DPP6: variants seen among roughly 807,000 people sequenced by gnomAD.
DPP6 encodes dipeptidyl peptidase like 6.
Under a neutral mutation model 122.6 loss-of-function variants are expected in DPP6, and 69 were observed. That is an observed-to-expected ratio of 0.56 (90% CI 0.46 to 0.69). The LOEUF (loss-of-function observed/expected upper bound fraction) is 0.69, where lower values mean the gene tolerates loss of function less well. Among genes scored for constraint, DPP6 ranks in the 30% least tolerant of loss-of-function variants. The pLI is 0.00. For missense variants in DPP6, 928 were observed against 1,116.9 expected, an observed-to-expected ratio of 0.83 and a Z score of 2.41; for synonymous variants, 418 against 433.1, an observed-to-expected ratio of 0.97 and a Z score of 0.43.
At chr7:154,379,123 A>G (rs1465160403) in intron 1 of DPP6, among the ~76,000 whole-genome samples, 1 of 152,190 alleles carries the variant, frequency 6.6e-6, no homozygotes, top group Non-Finnish European at 1.5e-5. Flanking sequence ...TGGGGGACAC[A>G]ACATTCAGTC....
chr7:153,757,051 T>C, the DPP6 span, among the ~76,000 whole-genome samples: 2 of 128,050 alleles, frequency 1.6e-5, no homozygotes, highest in African/African-American at 5.2e-5. Flanking sequence ...GGAAATAGAG[T>C]GATTGGAATT....
At chr7:154,074,691 C>T (rs551818519) in intron 1 of DPP6, among the ~76,000 whole-genome samples, 5 of 152,194 alleles carry the variant, frequency 3.3e-5, no homozygotes, top group East Asian at 3.9e-4. Flanking sequence ...AGAGACACAC[C>T]GGCTACTCCC....
Position 154,807,417 on chromosome 7 carries a change from C to T in DPP6, c.1666+305C>T, listed in dbSNP as rs79856757. ...CATTGTCCACAAAAAATAATAGTCC[C>T]ATGAGCTAGGAAGGGCAAATATCCT... On this transcript the variant is annotated intron_variant, in intron 16 of 25. Transcript: ENST00000377770. Among the ~76,000 whole-genome samples, 1,369 of 152,284 alleles carry T rather than the reference C, an allele frequency of 9.0e-3. 27 individuals are homozygous for T. Among genetic ancestry groups the T allele is most frequent in the African/African-American group, 0.032 (1,319 of 41,550 alleles).
At chr7:153,923,298 A>G (rs1800729356) in intron 1 of DPP6, among the ~76,000 whole-genome samples, 1 of 152,230 alleles carries the variant, frequency 6.6e-6, no homozygotes, top group South Asian at 2.1e-4. Flanking sequence ...CATGGCATTA[A>G]GATGCCTAAT....
At chr7:154,534,991 A>C (rs1273747963) in intron 3 of DPP6, among the ~76,000 whole-genome samples, 1 of 152,166 alleles carries the variant, frequency 6.6e-6, no homozygotes, top group African/African-American at 2.4e-5. Flanking sequence ...TAATCAACAC[A>C]GTGTGGCATT....
intron 1 of DPP6, among the ~76,000 whole-genome samples, chr7:154,444,873 C>T (rs1269124581): frequency 2.0e-5 from 3 of 152,196 alleles, no homozygotes; most frequent in East Asian, 1.9e-4. Context: ...TGTTTTGTTG[C>T]TCACGGATAG....
intron 4 of DPP6, among the ~76,000 whole-genome samples, chr7:154,554,407 G>C (rs1829868508): frequency 6.6e-6 from 1 of 151,720 alleles, no homozygotes; most frequent in Admixed American, 6.6e-5. Flanking sequence ...AAAGCCTCTG[G>C]GTATATTTAT....
At chr7:154,253,785 T>C (rs1364345221) in intron 1 of DPP6, among the ~76,000 whole-genome samples, 1 of 152,188 alleles carries the variant, frequency 6.6e-6, no homozygotes, top group Admixed American at 6.5e-5. Context: ...TGAGACTGGA[T>C]AATTTATGAA....
At chr7:154,002,709 G>A (rs2907716) in intron 1 of DPP6, among the ~76,000 whole-genome samples, 1 of 152,186 alleles carries the variant, frequency 6.6e-6, no homozygotes, top group Non-Finnish European at 1.5e-5. Flanking sequence ...CATGACGTCT[G>A]TGACAGGCAC....
At chr7:154,197,254 A>C (rs80123191) in intron 1 of DPP6, among the ~76,000 whole-genome samples, 4,241 of 151,814 alleles carry the variant, frequency 0.028, 217 homozygotes, top group African/African-American at 0.096. Context: ...AAAGCTCTAA[A>C]TACAGAGAGT....
In DPP6 at chr7:154,760,297, A is replaced by C; in HGVS notation, c.884-9120A>C. Reference sequence around the variant, plus strand: ...GGAGGTTTGGAAAGTCCTTCAGCACACACAATTATTTCTTCACGATTACTC... The same window carrying C: ...GGAGGTTTGGAAAGTCCTTCAGCACCCACAATTATTTCTTCACGATTACTC... On this transcript the variant is annotated intron_variant, in intron 8 of 25. Coordinates refer to ENST00000377770, the MANE Select transcript of DPP6 (RefSeq NM_130797.4). The surrounding 1 kb of genome is among the most constrained non-coding windows in gnomAD (Gnocchi z 4.5). Among the ~76,000 whole-genome samples the C allele has an allele frequency of 6.6e-6, 1 of 152,282 alleles. No homozygotes were observed. The highest frequency in any genetic ancestry group is 6.5e-5 in the Admixed American group (1 of 15,292).
intron 5 of DPP6, among the ~76,000 whole-genome samples, chr7:154,575,963 T>C (rs1831644084): frequency 6.6e-6 from 1 of 152,186 alleles, no homozygotes; most frequent in Non-Finnish European, 1.5e-5. Context: ...ATTTGTCTCA[T>C]GCAGGGCTAC....
chr7:154,623,537 AACAC>A (rs563902240), intron 5 of DPP6, among the ~76,000 whole-genome samples: 13 of 152,076 alleles, frequency 8.5e-5, no homozygotes, highest in South Asian at 6.2e-4. Context: ...GGATTTTACA[AACAC>A]ACACACACGC....
intron 6 of DPP6, among the ~76,000 whole-genome samples, chr7:154,649,030 G>A (rs1836697145): frequency 6.6e-6 from 1 of 152,102 alleles, no homozygotes; most frequent in South Asian, 2.1e-4. Flanking sequence ...AGTCCCACCT[G>A]CCCAGAGCAT....
chr7:153,842,571 T>C, the DPP6 span, among the ~76,000 whole-genome samples: 5 of 152,136 alleles, frequency 3.3e-5, no homozygotes, highest in African/African-American at 9.6e-5. Context: ...TTTATCTTAA[T>C]TACCTCATAA....
rs182803181 is a variant in DPP6, at chr7:154,623,253, G to A, written c.628-14568G>A. On this transcript the variant is annotated intron_variant, in intron 5 of 25. Coordinates refer to ENST00000377770, the MANE Select transcript of DPP6 (RefSeq NM_130797.4). ...GGGTGTATGCTGTTGCCGGTGCGTTGCACTAAATGCCTGCTACTGAAAATA... is the reference window on the plus strand; with the variant it reads ...GGGTGTATGCTGTTGCCGGTGCGTTACACTAAATGCCTGCTACTGAAAATA... Among the ~76,000 whole-genome samples, 211 of 152,288 alleles carry A rather than the reference G, an allele frequency of 1.4e-3. 2 individuals are homozygous for A. Among genetic ancestry groups the A allele is most frequent in the Non-Finnish European group, 9.3e-4 (63 of 68,036 alleles).
At chr7:154,012,968 AG>A (rs1004858266) in intron 1 of DPP6, among the ~76,000 whole-genome samples, 4 of 152,166 alleles carry the variant, frequency 2.6e-5, no homozygotes, top group Non-Finnish European at 4.4e-5. Flanking sequence ...TGGCTTTGTC[AG>A]GGTGGGTGTG....
intron 1 of DPP6, among the ~76,000 whole-genome samples, chr7:154,171,401 G>A (rs967400199): frequency 1.3e-5 from 2 of 152,174 alleles, no homozygotes; most frequent in African/African-American, 4.8e-5. Flanking sequence ...TGCTCCCTGA[G>A]CTGAGAGGAC....
chr7:154,771,223 C>G (rs1375535329), intron 9 of DPP6, among the ~76,000 whole-genome samples: 3 of 152,200 alleles, frequency 2.0e-5, no homozygotes, highest in African/African-American at 7.2e-5. Flanking sequence ...AAAGGAAACA[C>G]CTGGTGTCTT....
Sources: gnomAD v4.1 joint callset for allele counts (sites outside exome capture counted in the v4.1 genomes callset) on GRCh38, gnomAD v4.1.1 for gene constraint, Gnocchi (gnomAD v3.1) non-coding constraint, MANE v1.5 for transcripts, NCBI Gene and HGNC (gene_info 2026-07-23, HGNC 2026-07-21) for gene names.